GPHN: variants seen among roughly 807,000 people sequenced by gnomAD.
The protein encoded by GPHN is gephyrin.
Under a neutral mutation model 95.5 loss-of-function variants are expected in GPHN, and 17 were observed. The ratio of observed to expected loss-of-function variants is 0.18; its 90% CI spans 0.12 to 0.27. The LOEUF (loss-of-function observed/expected upper bound fraction) is 0.27. GPHN is among the 10% of genes least tolerant of loss of function. GPHN has a pLI of 1.00. For missense variants in GPHN, 660 were observed against 978.1 expected, an observed-to-expected ratio of 0.67 and a Z score of 4.34; for synonymous variants, 320 against 322.5, an observed-to-expected ratio of 0.99 and a Z score of 0.08.
At chr14:67,695,884 G>C in the GPHN span, 1 of 600,400 alleles carries the variant, frequency 1.7e-6, no homozygotes, top group Non-Finnish European at 3.0e-6. Context: ...CGCCAACGCT[G>C]GCAGAAGTTG....
At chr14:67,341,529 C>T in the GPHN span, among the ~76,000 whole-genome samples, 9 of 151,182 alleles carry the variant, frequency 6.0e-5, no homozygotes, top group South Asian at 2.1e-4. Context: ...GTCAGCCCCC[C>T]GCCTGGCCAG....
intron 8 of GPHN, among the ~76,000 whole-genome samples, chr14:66,963,674 T>G (rs1359193732): frequency 6.6e-6 from 1 of 152,158 alleles, no homozygotes; most frequent in Non-Finnish European, 1.5e-5. Context: ...GACAATTCAG[T>G]ACTCAAATAT....
chr14:66,564,164 A>G (rs1275322299), intron 1 of GPHN, among the ~76,000 whole-genome samples: 7 of 152,106 alleles, frequency 4.6e-5, no homozygotes, highest in South Asian at 4.1e-4. Context: ...AACTGTCCTT[A>G]TCTACCCTGG....
rs560574963 is a variant in GPHN, at chr14:66,640,574, T to G, written c.65-40533T>G. On this transcript the variant is annotated intron_variant, in intron 1 of 22. Coordinates refer to ENST00000478722, the MANE Select transcript of GPHN (RefSeq NM_020806.5). Reference sequence around the variant, plus strand: ...TTTTAACTATACCACTCTCTTATTGTTATACTATGAAATGTCCAAAGTGCT... The same window carrying G: ...TTTTAACTATACCACTCTCTTATTGGTATACTATGAAATGTCCAAAGTGCT... 3.3e-5 allele frequency among the ~76,000 whole-genome samples: 5 copies of G among 152,348 alleles called. No individual in the cohort carries two copies. In the South Asian group the frequency reaches 1.0e-3, roughly 32 times the overall value.
chr14:66,990,691 T>C (rs1048586493), intron 9 of GPHN, among the ~76,000 whole-genome samples: 1 of 152,082 alleles, frequency 6.6e-6, no homozygotes, highest in African/African-American at 2.4e-5. Flanking sequence ...AACAGCAGAG[T>C]TGAATAGATG....
chr14:66,666,921 TA>T (rs1177264843), intron 1 of GPHN, among the ~76,000 whole-genome samples: 1 of 152,232 alleles, frequency 6.6e-6, no homozygotes, highest in Non-Finnish European at 1.5e-5. Context: ...CTTAAGCTGA[TA>T]AGCAACTTTA....
At chr14:67,049,764 G>A (rs536683275) in intron 10 of GPHN, among the ~76,000 whole-genome samples, 1 of 152,278 alleles carries the variant, frequency 6.6e-6, no homozygotes, top group Admixed American at 6.5e-5. Context: ...GCCCACCTCA[G>A]CCTCCCAAAG....
At chr14:67,158,765 T>A (rs1296461980) in intron 18 of GPHN, among the ~76,000 whole-genome samples, 1 of 152,130 alleles carries the variant, frequency 6.6e-6, no homozygotes, top group Non-Finnish European at 1.5e-5. Context: ...TAGCCACAGG[T>A]TAGTTTTGTT....
At chr14:67,593,792 A>G in the GPHN span, 1 of 1,613,744 alleles carries the variant, frequency 6.2e-7, no homozygotes. Flanking sequence ...GCCCATTTCT[A>G]TGAAGGTAGT....
chr14:67,713,550 A>T, the GPHN span, among the ~76,000 whole-genome samples: 1 of 152,206 alleles, frequency 6.6e-6, no homozygotes, highest in Non-Finnish European at 1.5e-5. Context: ...AAGTTAGCTC[A>T]TGCTGGTACC....
intron 4 of GPHN, among the ~76,000 whole-genome samples, chr14:66,861,368 G>T (rs965117599): frequency 1.3e-5 from 2 of 151,980 alleles, no homozygotes; most frequent in Non-Finnish European, 2.9e-5. Context: ...TAGAGCTAAA[G>T]AGAGAGATAG....
chr14:67,470,087 C>T, the GPHN span, among the ~76,000 whole-genome samples: 1 of 152,112 alleles, frequency 6.6e-6, no homozygotes, highest in Non-Finnish European at 1.5e-5. Flanking sequence ...CAGAGAGTGT[C>T]AGAGTAGAGA....
intron 17 of GPHN, among the ~76,000 whole-genome samples, chr14:67,125,923 T>A (rs1291738004): frequency 1.3e-5 from 2 of 152,180 alleles, no homozygotes; most frequent in African/African-American, 2.4e-5. Context: ...CTCTTATTCT[T>A]ATCACCTGCC....
At chr14:67,070,250 T>C (rs1218598749) in intron 11 of GPHN, among the ~76,000 whole-genome samples, 2 of 151,412 alleles carry the variant, frequency 1.3e-5, no homozygotes, top group African/African-American at 4.8e-5. Context: ...TCTTAATCCC[T>C]CAATATATTT....
intron 1 of GPHN, among the ~76,000 whole-genome samples, chr14:66,584,239 T>TATCCTGAGACTTTGC (rs1325763761): frequency 2.0e-5 from 3 of 152,206 alleles, no homozygotes; most frequent in Non-Finnish European, 4.4e-5. Context: ...ATTGAGTTTG[T>TATCCTGAGACTTTGC]ATCCTGAGAC....
chr14:67,647,537 C>T, the GPHN span: 1 of 155,984 alleles, frequency 6.4e-6, no homozygotes, highest in Non-Finnish European at 1.4e-5. Flanking sequence ...AGCCTTTGGA[C>T]ACTGGGGCTA....
chr14:67,561,704 C>CA, the GPHN span, among the ~76,000 whole-genome samples: 2 of 151,038 alleles, frequency 1.3e-5, no homozygotes, highest in East Asian at 3.9e-4. Flanking sequence ...CTTGTCTCTA[C>CA]AAAAAAATAA....
the GPHN span, among the ~76,000 whole-genome samples, chr14:67,608,103 G>A: frequency 3.3e-5 from 5 of 152,048 alleles, no homozygotes; most frequent in Middle Eastern, 3.4e-3. Flanking sequence ...AATTAGCCAG[G>A]TGTTGTGGCA....
At chr14:66,520,294 A>G (rs1234045403) in intron 1 of GPHN, among the ~76,000 whole-genome samples, 1 of 152,150 alleles carries the variant, frequency 6.6e-6, no homozygotes, top group Non-Finnish European at 1.5e-5. Flanking sequence ...TTACTTTCCA[A>G]TAAGGATGTA....
Sources: allele counts gnomAD v4.1 joint callset (sites outside exome capture counted in the v4.1 genomes callset), GRCh38; gene constraint gnomAD v4.1.1; transcripts MANE v1.5; gene names NCBI Gene and HGNC (gene_info 2026-07-23, HGNC 2026-07-21).